ADAMTS2: variants seen among roughly 807,000 people sequenced by gnomAD.
The protein encoded by ADAMTS2 is A disintegrin and metalloproteinase with thrombospondin motifs 2.
Under a neutral mutation model 123.0 loss-of-function variants are expected in ADAMTS2, and 50 were observed. The observed-to-expected ratio is 0.41, with a 90% CI of 0.32 to 0.51. The LOEUF (loss-of-function observed/expected upper bound fraction) is 0.51. ADAMTS2 is among the 20% of genes least tolerant of loss of function. ADAMTS2 has a pLI of 0.35. For synonymous variants in ADAMTS2, 678 were observed against 695.4 expected (o/e 0.98, Z 0.39); for missense variants, 1,494 against 1,705.2 (o/e 0.88, Z 2.18).
intron 21 of ADAMTS2, chr5:179,120,709 G>T (rs1036144452): frequency 1.3e-5 from 2 of 152,140 alleles, no homozygotes; most frequent in Non-Finnish European, 2.9e-5. Context: ...ACTGGCCAGT[G>T]GGGCATCAGG....
At chr5:179,153,411 A>G in intron 9 of ADAMTS2, 80 bp downstream of exon 9, 1 of 1,590,268 alleles carries the variant, frequency 6.3e-7, no homozygotes, top group Non-Finnish European at 8.5e-7. Flanking sequence ...CGGTCCTCAC[A>G]CTGTCCCGGG....
chr5:179,191,726 G>A (rs6894805), intron 4 of ADAMTS2, among the ~76,000 whole-genome samples: 9,347 of 152,192 alleles, frequency 0.061, 299 homozygotes, highest in African/African-American at 0.078. Flanking sequence ...GATGCAGATA[G>A]TCCCCGGGGT....
chr5:179,229,923 C>G (rs1240147015), intron 3 of ADAMTS2, among the ~76,000 whole-genome samples: 1 of 152,188 alleles, frequency 6.6e-6, no homozygotes, highest in East Asian at 1.9e-4. Flanking sequence ...AAGGCTTACC[C>G]TCCTTGGTTC....
chr5:179,173,112 C>T (rs552414416), intron 5 of ADAMTS2, among the ~76,000 whole-genome samples: 4 of 150,636 alleles, frequency 2.7e-5, no homozygotes, highest in African/African-American at 2.4e-5. Flanking sequence ...CTTGGGAGGC[C>T]GAGATGAGAG....
chr5:179,185,874 G>C lies in ADAMTS2; in HGVS notation c.892-4719C>G, dbSNP rs1460851695. Among the ~76,000 whole-genome samples the C allele has an allele frequency of 6.6e-6, 1 of 151,970 alleles. No individual in the cohort carries two copies. Among genetic ancestry groups the C allele is most frequent in the Non-Finnish European group, 1.5e-5 (1 of 67,984 alleles). ...TAACTGGGGCTCCCTGGCTGCTGAG[G>C]AGCTAGAGAGGGCATGCCTGCAAAT... is the stretch of plus-strand genomic sequence containing the variant. On this transcript the variant is annotated intron_variant, in intron 4 of 21. Coordinates refer to ENST00000251582, the MANE Select transcript of ADAMTS2 (RefSeq NM_014244.5). This position sits in a 1 kb window ranked among gnomAD's most constrained non-coding sequence, Gnocchi z 5.9.
In ADAMTS2 at chr5:179,272,635, T is replaced by C. The variant is rs1766570501; in HGVS notation, c.688+276A>G. 6.6e-6 allele frequency among the ~76,000 whole-genome samples: 1 copy of C among 152,132 alleles called. No homozygotes were observed. The highest frequency in any genetic ancestry group is 1.5e-5 in the Non-Finnish European group (1 of 68,026). On this transcript the variant is annotated intron_variant, in intron 3 of 21. Transcript: ENST00000251582. The surrounding 1 kb of genome is among the most constrained non-coding windows in gnomAD (Gnocchi z 5.8). The stretch of plus-strand genomic sequence containing the variant: ...ACAGAAGATGGGCCCTTGGACAGCC[T>C]TCATAGTCCACCATGGAGGCCCCAG...
At chr5:179,140,842 C>T (rs1407727602) in intron 10 of ADAMTS2, among the ~76,000 whole-genome samples, 1 of 122,248 alleles carries the variant, frequency 8.2e-6, no homozygotes, top group Non-Finnish European at 1.7e-5. Context: ...ACTCTGTCCC[C>T]CCAGGTTGGA....
At chr5:179,190,090 G>A (rs1764271436) in intron 4 of ADAMTS2, among the ~76,000 whole-genome samples, 1 of 152,320 alleles carries the variant, frequency 6.6e-6, no homozygotes, top group Non-Finnish European at 1.5e-5. Flanking sequence ...AGGCCATCTG[G>A]ATGTATATGT....
chr5:179,215,981 T>C (rs1260972627), intron 3 of ADAMTS2, among the ~76,000 whole-genome samples: 1 of 152,156 alleles, frequency 6.6e-6, no homozygotes, highest in African/African-American at 2.4e-5. Flanking sequence ...TCTAGACATG[T>C]CAGTTCTCAA....
Position 179,128,199 on chromosome 5 carries a change from GC to G in ADAMTS2, c.2458-82del. On this transcript the variant is annotated intron_variant, in intron 16 of 21. Transcript: ENST00000251582. This position sits in a 1 kb window ranked among gnomAD's most constrained non-coding sequence, Gnocchi z 4.9. The stretch of plus-strand genomic sequence containing the variant: ...AGCCAGCTTAGGAACGGCAGCTGAG[GC>G]CGACTCCAGAGGAGTCTCATCATTC... 1.3e-6 allele frequency: 2 copies of G among 1,555,754 alleles called. No individual in the cohort carries two copies. The highest frequency in any genetic ancestry group is 1.8e-6 in the Non-Finnish European group (2 of 1,142,096).
At chr5:179,121,470 C>A in intron 21 of ADAMTS2, 191 bp downstream of exon 21, 1 of 468,204 alleles carries the variant, frequency 2.1e-6, no homozygotes, top group East Asian at 3.3e-5. Context: ...GCCCGAGCCC[C>A]CGCCAGCAGG....
At chr5:179,289,647 A>C (rs1252502559) in intron 2 of ADAMTS2, among the ~76,000 whole-genome samples, 2 of 152,122 alleles carry the variant, frequency 1.3e-5, no homozygotes, top group African/African-American at 4.8e-5. Context: ...GACCTGAAAA[A>C]ACCTCACAGT....
At chr5:179,276,091 A>T (rs1444366788) in intron 2 of ADAMTS2, among the ~76,000 whole-genome samples, 1 of 151,900 alleles carries the variant, frequency 6.6e-6, no homozygotes, top group Non-Finnish European at 1.5e-5. Context: ...CACGCTTCTG[A>T]CTCATCCCTG....
intron 3 of ADAMTS2, among the ~76,000 whole-genome samples, chr5:179,253,852 A>G (rs1765984993): frequency 6.6e-6 from 1 of 152,016 alleles, no homozygotes; most frequent in South Asian, 2.1e-4. Context: ...AAATCTGATC[A>G]TCGGCTCCAG....
intron 10 of ADAMTS2, among the ~76,000 whole-genome samples, chr5:179,145,298 T>C (rs1763232148): frequency 6.6e-6 from 1 of 152,188 alleles, no homozygotes; most frequent in African/African-American, 2.4e-5. Flanking sequence ...TAAAACAGGC[T>C]GCTTTGGGAA....
chr5:179,145,526 G>C (rs750557331), intron 10 of ADAMTS2, among the ~76,000 whole-genome samples: 2 of 152,204 alleles, frequency 1.3e-5, no homozygotes, highest in South Asian at 2.1e-4. Context: ...TTCAGCAACA[G>C]GAAGGAATGC....
chr5:179,278,416 A>AT (rs920060374), intron 2 of ADAMTS2, among the ~76,000 whole-genome samples: 3 of 151,964 alleles, frequency 2.0e-5, no homozygotes, highest in African/African-American at 7.3e-5. Flanking sequence ...CGGGACTTTG[A>AT]TTTTCCTGCT....
intron 4 of ADAMTS2, among the ~76,000 whole-genome samples, chr5:179,192,614 C>A (rs184036443): frequency 9.2e-5 from 14 of 152,352 alleles, no homozygotes; most frequent in African/African-American, 3.4e-4. Context: ...ATCAGAAGGG[C>A]CAGCATGGGC....
intron 3 of ADAMTS2, among the ~76,000 whole-genome samples, chr5:179,208,140 G>A (rs1764757375): frequency 9.9e-6 from 1 of 101,480 alleles, no homozygotes; most frequent in African/African-American, 2.7e-5. Flanking sequence ...AGTGGGCAGA[G>A]CCACCCCTTG....
Sources: allele counts gnomAD v4.1 joint callset (sites outside exome capture counted in the v4.1 genomes callset), GRCh38; gene constraint gnomAD v4.1.1; non-coding constraint Gnocchi (gnomAD v3.1); transcripts MANE v1.5; gene names NCBI Gene and HGNC (gene_info 2026-07-23, HGNC 2026-07-21).